NKAIN2: variants seen among roughly 807,000 people sequenced by gnomAD.
NKAIN2 encodes sodium/potassium transporting ATPase interacting 2.
A neutral mutation model predicts 32.6 loss-of-function variants in NKAIN2; 14 were observed. That is an observed-to-expected ratio of 0.43 (90% CI 0.28 to 0.67). NKAIN2 has a LOEUF of 0.67. Ranked by LOEUF, NKAIN2 falls within the 30% of genes least tolerant of loss-of-function variation. NKAIN2 has a pLI of 0.17. For synonymous variants in NKAIN2, 80 were observed against 87.2 expected, an observed-to-expected ratio of 0.92 and a Z score of 0.46; for missense variants, 198 against 258.3, an observed-to-expected ratio of 0.77 and a Z score of 1.60.
rs534665127 is a variant in NKAIN2, at chr6:124,358,272, G to A, written c.273+2925G>A. On this transcript the variant is annotated intron_variant, in intron 3 of 6. Coordinates refer to ENST00000368417, the MANE Select transcript of NKAIN2 (RefSeq NM_001040214.3). ...TGTCTTTATAGCAGCATGTTTTATA[G>A]TCCTTTGGGTATGTACCCAGTAATA... is the stretch of plus-strand genomic sequence containing the variant. Among the ~76,000 whole-genome samples the A allele has an allele frequency of 1.2e-3, 177 of 152,166 alleles. 1 individual carries two copies. Among genetic ancestry groups the A allele is most frequent in the African/African-American group, 4.1e-3 (171 of 41,498 alleles).
intron 3 of NKAIN2, among the ~76,000 whole-genome samples, chr6:124,415,878 C>CTTTTTTTTTTTTT: frequency 7.7e-4 from 56 of 72,596 alleles, no homozygotes; most frequent in South Asian, 1.1e-3. Flanking sequence ...TTTTTATTTG[C>CTTTTTTTTTTTTT]TTTTTTTTTT....
chr6:123,838,875 GA>G (rs1490573629), intron 1 of NKAIN2, among the ~76,000 whole-genome samples: 1 of 152,188 alleles, frequency 6.6e-6, no homozygotes, highest in Non-Finnish European at 1.5e-5. Context: ...GGTTAGATTA[GA>G]AAATCTATTC....
intron 5 of NKAIN2, among the ~76,000 whole-genome samples, chr6:124,810,598 T>A (rs765119263): frequency 1.3e-5 from 2 of 151,996 alleles, no homozygotes; most frequent in East Asian, 1.9e-4. Context: ...AACCTGCACA[T>A]TGTGCACGTG....
intron 3 of NKAIN2, among the ~76,000 whole-genome samples, chr6:124,586,084 T>C (rs1781701608): frequency 6.6e-6 from 1 of 152,210 alleles, no homozygotes; most frequent in African/African-American, 2.4e-5. Context: ...TTCCATCGCC[T>C]GCCCCAAAAT....
At position 124,636,218 on chromosome 6, in the gene NKAIN2, A is replaced by T. The variant is rs555319741; in HGVS notation, c.274-21968A>T. Among the ~76,000 whole-genome samples, 4 of 152,084 alleles carry T rather than the reference A, an allele frequency of 2.6e-5. 1 individual carries two copies. In the South Asian group the frequency reaches 6.2e-4, roughly 24 times the overall value. ...GACCAATGAGTCAATGAAGAAAAAA[A>T]AAATCTTGAAACAAATGAAAATGGA... On this transcript the variant is annotated intron_variant, in intron 3 of 6. Transcript: ENST00000368417.
chr6:124,452,604 G>A (rs890138205), intron 3 of NKAIN2, among the ~76,000 whole-genome samples: 6 of 152,088 alleles, frequency 3.9e-5, no homozygotes, highest in Admixed American at 1.3e-4. Context: ...AGTTAAAGCA[G>A]AGGAAAGTTA....
intron 3 of NKAIN2, among the ~76,000 whole-genome samples, chr6:124,584,838 C>G (rs1781654125): frequency 6.8e-6 from 1 of 146,052 alleles, no homozygotes; most frequent in South Asian, 2.1e-4. Flanking sequence ...AAAGGTGAAC[C>G]CTCATACTCT....
chr6:124,201,738 A>T (rs1056303889), intron 1 of NKAIN2, among the ~76,000 whole-genome samples: 5 of 152,062 alleles, frequency 3.3e-5, no homozygotes, highest in Admixed American at 6.6e-5. Flanking sequence ...TGTGCTGCAA[A>T]GATGGTAGAA....
intron 1 of NKAIN2, among the ~76,000 whole-genome samples, chr6:123,860,654 GT>G (rs1775751412): frequency 6.6e-6 from 1 of 152,120 alleles, no homozygotes; most frequent in Non-Finnish European, 1.5e-5. Context: ...CAAGTATTCT[GT>G]CCCCCTTGGC....
intron 1 of NKAIN2, among the ~76,000 whole-genome samples, chr6:123,990,640 A>C (rs1404602357): frequency 6.6e-6 from 1 of 152,144 alleles, no homozygotes; most frequent in Non-Finnish European, 1.5e-5. Flanking sequence ...GCTCTCATTA[A>C]TCATCTGAAA....
chr6:124,055,448 A>G (rs548363271), intron 1 of NKAIN2, among the ~76,000 whole-genome samples: 1 of 152,202 alleles, frequency 6.6e-6, no homozygotes, highest in East Asian at 1.9e-4. Context: ...TTTGAGAGTT[A>G]GATGGAAGCT....
At chr6:124,074,392 C>G (rs1230473555) in intron 1 of NKAIN2, among the ~76,000 whole-genome samples, 3 of 152,138 alleles carry the variant, frequency 2.0e-5, no homozygotes, top group Non-Finnish European at 2.9e-5. Context: ...ATGGTGGGAC[C>G]TCTCCCAAAA....
chr6:124,696,729 C>T (rs964151413), intron 4 of NKAIN2, among the ~76,000 whole-genome samples: 12 of 150,700 alleles, frequency 8.0e-5, no homozygotes, highest in Middle Eastern at 3.2e-3. Flanking sequence ...TTGTTTTCTG[C>T]GCTTGATTGT....
At chr6:124,651,805 C>G (rs1196223709) in intron 3 of NKAIN2, among the ~76,000 whole-genome samples, 1 of 152,162 alleles carries the variant, frequency 6.6e-6, no homozygotes, top group African/African-American at 2.4e-5. Context: ...TCAAAGATCA[C>G]AGAAATGCCT....
intron 3 of NKAIN2, among the ~76,000 whole-genome samples, chr6:124,604,238 C>T (rs1260821716): frequency 2.0e-5 from 3 of 151,968 alleles, no homozygotes; most frequent in Non-Finnish European, 2.9e-5. Context: ...GAATCATATA[C>T]ACACTACATT....
chr6:124,737,231 G>A (rs116355572), intron 4 of NKAIN2, among the ~76,000 whole-genome samples: 2 of 151,812 alleles, frequency 1.3e-5, no homozygotes, highest in South Asian at 2.1e-4. Context: ...AGGATGCGGC[G>A]GGAGCTAATT....
chr6:124,298,173 T>TA (rs1227779096), intron 2 of NKAIN2, among the ~76,000 whole-genome samples: 4 of 152,166 alleles, frequency 2.6e-5, no homozygotes, highest in East Asian at 3.9e-4. Flanking sequence ...AACTAAGAGA[T>TA]AAAAAAAATT....
intron 1 of NKAIN2, among the ~76,000 whole-genome samples, chr6:123,971,355 T>C (rs1778332872): frequency 6.6e-6 from 1 of 151,572 alleles, no homozygotes; most frequent in African/African-American, 2.4e-5. Context: ...AATATATTAA[T>C]ATAGTAATTA....
intron 3 of NKAIN2, among the ~76,000 whole-genome samples, chr6:124,454,991 T>G (rs543421054): frequency 6.6e-6 from 1 of 152,116 alleles, no homozygotes; most frequent in South Asian, 2.1e-4. Flanking sequence ...ACACAGAATT[T>G]TGTCTATTTA....
Sources: gnomAD v4.1 joint callset for allele counts (sites outside exome capture counted in the v4.1 genomes callset) on GRCh38, gnomAD v4.1.1 for gene constraint, MANE v1.5 for transcripts, NCBI Gene and HGNC (gene_info 2026-07-23, HGNC 2026-07-21) for gene names.